The following HDAC9 variants were observed in gnomAD, a reference collection of about 807,000 sequenced individuals.
HDAC9 encodes the protein MEF-2 interacting transcription repressor (MITR) protein.
In HDAC9, 41 loss-of-function variants were observed where a neutral mutation model predicts 139.4. The observed-to-expected ratio is 0.29, with a 90% CI of 0.23 to 0.38. The LOEUF is 0.38. HDAC9 is among the 10% of genes least tolerant of loss of function. HDAC9 has a pLI of 1.00. For synonymous variants in HDAC9, 517 were observed against 476.2 expected (o/e 1.09, Z -1.12); for missense variants, 1,147 against 1,297.0 (o/e 0.88, Z 1.78).
At chr7:18,362,261 T>C (rs17347243) in intron 1 of HDAC9, among the ~76,000 whole-genome samples, 20,774 of 152,254 alleles carry the variant, frequency 0.14, 1,824 homozygotes, top group Non-Finnish European at 0.19. Flanking sequence ...TAGGATTCTA[T>C]TGTCACAGAA....
At chr7:18,197,538 A>C (rs1790812396) in intron 2 of HDAC9, among the ~76,000 whole-genome samples, 1 of 152,158 alleles carries the variant, frequency 6.6e-6, no homozygotes, top group South Asian at 2.1e-4. Context: ...AGGGCAAAAG[A>C]AGTTACGTGA....
At chr7:18,495,049 T>A (rs78925243), upstream of HDAC9, among the ~76,000 whole-genome samples, 1,453 of 152,206 alleles carry the variant, frequency 9.5e-3, 19 homozygotes, top group African/African-American at 0.033. Context: ...TGGACAATTG[T>A]CTTGCATAAA....
intron 13 of HDAC9, among the ~76,000 whole-genome samples, chr7:18,735,351 G>T (rs1786786086): frequency 6.6e-6 from 1 of 152,106 alleles, no homozygotes; most frequent in Non-Finnish European, 1.5e-5. Context: ...TTTTCTTCTA[G>T]GGTTTTTATG....
chr7:18,901,698 G>A (rs79404953), intron 22 of HDAC9, among the ~76,000 whole-genome samples: 376 of 152,134 alleles, frequency 2.5e-3, no homozygotes, highest in African/African-American at 8.5e-3. Context: ...CACTTGGTTC[G>A]TTTTAAACAT....
intron 14 of HDAC9, among the ~76,000 whole-genome samples, chr7:18,756,212 C>T (rs2129151969): frequency 6.6e-6 from 1 of 152,246 alleles, no homozygotes; most frequent in African/African-American, 2.4e-5. Flanking sequence ...TTAACATAAT[C>T]TTAACGAGAT....
At chr7:18,583,979 C>A (rs1388130138) in intron 2 of HDAC9, among the ~76,000 whole-genome samples, 2 of 152,066 alleles carry the variant, frequency 1.3e-5, no homozygotes, top group African/African-American at 4.8e-5. Flanking sequence ...TTTCCCGATT[C>A]TTGTGGGTAA....
upstream of HDAC9, among the ~76,000 whole-genome samples, chr7:18,287,508 CTT>C (rs906193379): frequency 6.6e-6 from 1 of 152,130 alleles, no homozygotes; most frequent in African/African-American, 2.4e-5. Context: ...TTTGCCAACT[CTT>C]TTTTAAAAAG....
At chr7:18,924,566 G>C (rs367597138) in intron 22 of HDAC9, among the ~76,000 whole-genome samples, 1 of 152,010 alleles carries the variant, frequency 6.6e-6, no homozygotes, top group East Asian at 1.9e-4. Context: ...AATGTTTTTG[G>C]CAATGAGACA....
Position 18,658,115 on chromosome 7 carries a change from A to G in HDAC9, c.1468-8098A>G, listed in dbSNP as rs139295763. Among the ~76,000 whole-genome samples, 268 of 152,122 alleles carry G rather than the reference A, an allele frequency of 1.8e-3. 1 individual carries two copies. Among genetic ancestry groups the G allele is most frequent in the African/African-American group, 6.3e-3 (263 of 41,518 alleles). On this transcript the variant is annotated intron_variant, in intron 11 of 25. Transcript: ENST00000686413. ...AGAGGGGTCTTTATTGCCCATCCAA[A>G]CAAGAGTAAACACAAACACCCACCT...
intron 1 of HDAC9, among the ~76,000 whole-genome samples, chr7:18,332,926 C>T (rs966272489): frequency 4.0e-5 from 6 of 151,502 alleles, no homozygotes; most frequent in African/African-American, 1.5e-4. Flanking sequence ...AATAAATTTA[C>T]ACAAGGATCC....
chr7:18,496,640 C>A, intron 2 of HDAC9: 1 of 302,548 alleles, frequency 3.3e-6, no homozygotes, highest in Non-Finnish European at 6.2e-6. Context: ...GAGCTGTGTA[C>A]TGATTGTAAG....
chr7:18,290,565 G>T, intron 1 of HDAC9: 1 of 456,276 alleles, frequency 2.2e-6, no homozygotes, highest in Admixed American at 2.4e-5. Context: ...AAAGATAGTG[G>T]GGTAGATGTT....
chr7:18,844,220 G>T (rs1796766689), intron 21 of HDAC9, among the ~76,000 whole-genome samples: 1 of 152,100 alleles, frequency 6.6e-6, no homozygotes, highest in South Asian at 2.1e-4. Context: ...ACTGGGTATT[G>T]GTTATCTAAA....
chr7:18,424,644 C>T (rs1393393601), intron 1 of HDAC9, among the ~76,000 whole-genome samples: 2 of 152,206 alleles, frequency 1.3e-5, no homozygotes, highest in African/African-American at 4.8e-5. Flanking sequence ...CGCAGTGGCT[C>T]ATGCCTGTAA....
At chr7:18,249,931 A>G (rs1196264202) in intron 2 of HDAC9, among the ~76,000 whole-genome samples, 1 of 152,190 alleles carries the variant, frequency 6.6e-6, no homozygotes, top group Non-Finnish European at 1.5e-5. Context: ...TACTCTAGGA[A>G]CTGGAAAAGA....
chr7:18,333,840 AAAT>A (rs1193028006), intron 1 of HDAC9, among the ~76,000 whole-genome samples: 1 of 151,460 alleles, frequency 6.6e-6, no homozygotes, highest in Non-Finnish European at 1.5e-5. Context: ...TGGTTCTTAA[AAAT>A]AATAATGACA....
chr7:18,289,941 T>A (rs192244340), upstream of HDAC9, among the ~76,000 whole-genome samples: 1 of 152,200 alleles, frequency 6.6e-6, no homozygotes. Context: ...AAGAAAGTCG[T>A]CAGAGCCAGG....
At chr7:18,833,306 A>G (rs1795993446) in intron 19 of HDAC9, among the ~76,000 whole-genome samples, 2 of 152,212 alleles carry the variant, frequency 1.3e-5, no homozygotes, top group Non-Finnish European at 2.9e-5. Flanking sequence ...ATCTGAGAGA[A>G]CATATCATTT....
intron 2 of HDAC9, among the ~76,000 whole-genome samples, chr7:18,556,406 G>A (rs10253743): frequency 6.6e-6 from 1 of 152,032 alleles, no homozygotes; most frequent in African/African-American, 2.4e-5. Flanking sequence ...TCAGAAATAA[G>A]AAATGTAGTA....
Sources: allele counts gnomAD v4.1 joint callset (sites outside exome capture counted in the v4.1 genomes callset), GRCh38; gene constraint gnomAD v4.1.1; transcripts MANE v1.5; gene names NCBI Gene and HGNC (gene_info 2026-07-23, HGNC 2026-07-21).